RBFOX3: variants seen among roughly 807,000 people sequenced by gnomAD.
RBFOX3 encodes the protein RNA binding fox-1 homolog 3.
A neutral mutation model predicts 48.7 loss-of-function variants in RBFOX3; 17 were observed. The observed-to-expected ratio is 0.35, with a 90% CI of 0.24 to 0.52. The LOEUF (loss-of-function observed/expected upper bound fraction) is 0.52, where lower values mean the gene tolerates loss of function less well. Among genes scored for constraint, RBFOX3 ranks in the 20% least tolerant of loss-of-function variants. The probability of loss-of-function intolerance (pLI) is 0.94; values close to 1 mark genes in which losing one functional copy is unlikely to be tolerated. For synonymous variants in RBFOX3, 212 were observed against 209.5 expected (o/e 1.01, Z -0.10); for missense variants, 382 against 497.5 (o/e 0.77, Z 2.21).
chr17:79,293,308 C>G (rs918680276), intron 3 of RBFOX3, among the ~76,000 whole-genome samples: 12 of 151,844 alleles, frequency 7.9e-5, no homozygotes, highest in Non-Finnish European at 1.6e-4. Context: ...ATCTTTGCTT[C>G]CTTCCTTCCT....
At chr17:79,396,258 G>A (rs555534043) in intron 2 of RBFOX3, among the ~76,000 whole-genome samples, 1 of 152,322 alleles carries the variant, frequency 6.6e-6, no homozygotes, top group South Asian at 2.1e-4. Flanking sequence ...AGAGCCGGGG[G>A]AGAAGGGTGT....
intron 9 of RBFOX3, chr17:79,099,140 G>A (rs1382471773): frequency 6.6e-6 from 1 of 152,400 alleles, no homozygotes; most frequent in Non-Finnish European, 1.5e-5. Flanking sequence ...TTGGGGGTAG[G>A]GGGGCACAGT....
intron 2 of RBFOX3, among the ~76,000 whole-genome samples, chr17:79,324,668 G>A (rs965721610): frequency 6.6e-6 from 1 of 152,226 alleles, no homozygotes; most frequent in African/African-American, 2.4e-5. Context: ...CCTGGCTCCT[G>A]GGTGGAGGGA....
intron 10 of RBFOX3, 25 bp downstream of exon 10, chr17:79,097,667 A>ACCCCCCCC: frequency 2.9e-6 from 3 of 1,031,804 alleles, no homozygotes; most frequent in African/African-American, 2.4e-5. Context: ...GTCTCATCCC[A>ACCCCCCCC]TCCCCGCCCC....
At chr17:79,653,294 A>G in the RBFOX3 span, among the ~76,000 whole-genome samples, 1 of 152,328 alleles carries the variant, frequency 6.6e-6, no homozygotes, top group South Asian at 2.1e-4. Context: ...GCCAGGGCAC[A>G]GGTCTGAGGG....
intron 2 of RBFOX3, among the ~76,000 whole-genome samples, chr17:79,313,518 G>C (rs115612732): frequency 6.6e-6 from 1 of 152,152 alleles, no homozygotes; most frequent in African/African-American, 2.4e-5. Flanking sequence ...CAGGGCTCTG[G>C]TCAGTGTAGG....
chr17:79,308,189 G>A (rs755722746), intron 2 of RBFOX3, among the ~76,000 whole-genome samples: 4 of 151,902 alleles, frequency 2.6e-5, no homozygotes, highest in African/African-American at 7.2e-5. Flanking sequence ...TCCCCAAGCC[G>A]GGCCCCAGGT....
chr17:79,210,641 G>A (rs949431424), intron 4 of RBFOX3, among the ~76,000 whole-genome samples: 28 of 152,360 alleles, frequency 1.8e-4, no homozygotes, highest in Admixed American at 1.1e-3. Context: ...TGGAATTGAA[G>A]GGTCGGGTGG....
chr17:79,157,023 CCTGCGCTCTCCTCAGCCG>C (rs2045959608), intron 4 of RBFOX3, among the ~76,000 whole-genome samples: 1 of 152,300 alleles, frequency 6.6e-6, no homozygotes, highest in African/African-American at 2.4e-5. Context: ...AGCAGCAGCC[CCTGCGCTCTCCTCAGCCG>C]CTGCTGTGGG....
chr17:79,243,743 G>C lies in RBFOX3; in HGVS notation c.-73-7938C>G, dbSNP rs984699081. 6.6e-6 allele frequency among the ~76,000 whole-genome samples: 1 copy of C among 152,140 alleles called. No individual in the cohort carries two copies. The highest frequency in any genetic ancestry group is 2.4e-5 in the African/African-American group (1 of 41,420). On this transcript the variant is annotated intron_variant, in intron 3 of 14. Transcript: ENST00000693108. This position sits in a 1 kb window ranked among gnomAD's most constrained non-coding sequence, Gnocchi z 7.9. ...CATAGTGTATCCTCCACCTGTCCCT[G>C]GGTCAGCCAGGCTCAGAAACAGAAG...
intron 2 of RBFOX3, among the ~76,000 whole-genome samples, chr17:79,379,857 C>A (rs1304340898): frequency 6.6e-6 from 1 of 152,152 alleles, no homozygotes; most frequent in Non-Finnish European, 1.5e-5. Flanking sequence ...CTCTAGTTAC[C>A]CACCTAAGAA....
intron 1 of RBFOX3, among the ~76,000 whole-genome samples, chr17:79,547,454 C>T (rs2090597227): frequency 4.0e-5 from 6 of 151,730 alleles, no homozygotes; most frequent in African/African-American, 9.7e-5. Context: ...GACTCCATCT[C>T]GAAACAAAAA....
In RBFOX3 at chr17:79,470,418, G is replaced by A. The variant is rs529437502; in HGVS notation, c.-175+12036C>T. On this transcript the variant is annotated intron_variant, in intron 2 of 14. Transcript: ENST00000693108. ...CTGTCTTCACTCAACAGCTCCCCCCGAGGCTACTGGCTCCCCATGTGAAAT... is the reference window on the plus strand; with the variant it reads ...CTGTCTTCACTCAACAGCTCCCCCCAAGGCTACTGGCTCCCCATGTGAAAT... Among the ~76,000 whole-genome samples, 32 of 152,274 alleles carry A rather than the reference G, an allele frequency of 2.1e-4. No individual in the cohort carries two copies. In the South Asian group the frequency reaches 5.6e-3, roughly 27 times the overall value.
intron 3 of RBFOX3, among the ~76,000 whole-genome samples, chr17:79,245,823 C>T (rs1210671433): frequency 6.6e-6 from 1 of 152,008 alleles, no homozygotes; most frequent in Non-Finnish European, 1.5e-5. Context: ...GACGGGGTTT[C>T]ACCATGTTGC....
At chr17:79,436,329 G>C (rs950121183) in intron 2 of RBFOX3, among the ~76,000 whole-genome samples, 1 of 152,266 alleles carries the variant, frequency 6.6e-6, no homozygotes, top group South Asian at 2.1e-4. Flanking sequence ...ACACATGCTT[G>C]TGTGTGCACA....
chr17:79,341,254 G>A (rs888821470), intron 2 of RBFOX3, among the ~76,000 whole-genome samples: 3 of 152,182 alleles, frequency 2.0e-5, no homozygotes, highest in African/African-American at 7.2e-5. Flanking sequence ...GTGTGTACAT[G>A]TGTGTGCACA....
rs917893816 is a variant in RBFOX3 at position 79,362,791 on chromosome 17, T to G, written c.-174-54967A>C. ...GCTCAAGGCCACCAGAGCTGGAATT[T>G]GTTGCCACAGCTATGAGAGAGGGGT... On this transcript the variant is annotated intron_variant, in intron 2 of 14. Coordinates refer to ENST00000693108, the MANE Select transcript of RBFOX3 (RefSeq NM_001350451.2). The surrounding 1 kb of genome is among the most constrained non-coding windows in gnomAD (Gnocchi z 4.2). Among the ~76,000 whole-genome samples, 2 of 152,164 alleles carry G rather than the reference T, an allele frequency of 1.3e-5. No homozygotes were observed. The highest frequency in any genetic ancestry group is 4.8e-5 in the African/African-American group (2 of 41,434).
intron 1 of RBFOX3, among the ~76,000 whole-genome samples, chr17:79,597,708 G>A (rs2093603370): frequency 6.6e-6 from 1 of 152,186 alleles, no homozygotes; most frequent in African/African-American, 2.4e-5. Context: ...CCATAGGTAG[G>A]GGTTGGCTCC....
intron 4 of RBFOX3, among the ~76,000 whole-genome samples, chr17:79,130,575 A>G (rs1019661585): frequency 2.6e-5 from 4 of 152,210 alleles, no homozygotes; most frequent in Non-Finnish European, 5.9e-5. Flanking sequence ...CTAGGGCCTC[A>G]GGGCTCTCCC....
Sources: allele counts gnomAD v4.1 joint callset (sites outside exome capture counted in the v4.1 genomes callset), GRCh38; gene constraint gnomAD v4.1.1; non-coding constraint Gnocchi (gnomAD v3.1); transcripts MANE v1.5; gene names NCBI Gene and HGNC (gene_info 2026-07-23, HGNC 2026-07-21).